Variants in GRM8 observed in about 807,000 individuals in gnomAD.
GRM8 encodes the protein metabotropic glutamate receptor 8.
GRM8 carries 47 observed loss-of-function variants against 87.2 expected under a neutral mutation model. The ratio of observed to expected loss-of-function variants is 0.54; its 90% confidence interval spans 0.43 to 0.69. The LOEUF is 0.69. Among genes scored for constraint, GRM8 ranks in the 30% least tolerant of loss-of-function variants. The pLI, the probability that GRM8 is intolerant of heterozygous loss-of-function variation, is 0.00. For synonymous variants in GRM8, 396 were observed against 404.5 expected, an observed-to-expected ratio of 0.98 and a Z score of 0.25; for missense variants, 1,019 against 1,139.2, an observed-to-expected ratio of 0.89 and a Z score of 1.52.
chr7:126,623,718 G>C (rs994748733), intron 7 of GRM8, among the ~76,000 whole-genome samples: 1 of 152,144 alleles, frequency 6.6e-6, no homozygotes, highest in South Asian at 2.1e-4. Flanking sequence ...TGGCTCAGTG[G>C]ATGCCAGATC....
chr7:126,579,428 T>C (rs1795404010), intron 8 of GRM8, among the ~76,000 whole-genome samples: 1 of 152,192 alleles, frequency 6.6e-6, no homozygotes, highest in African/African-American at 2.4e-5. Flanking sequence ...AATCTCTATA[T>C]AATAGGAACT....
chr7:127,161,689 A>C (rs924863507), intron 2 of GRM8, among the ~76,000 whole-genome samples: 1 of 152,206 alleles, frequency 6.6e-6, no homozygotes. Flanking sequence ...CTACCAAAAA[A>C]ACTATTAAAT....
intron 8 of GRM8, among the ~76,000 whole-genome samples, chr7:126,550,271 C>T (rs1319271833): frequency 2.0e-5 from 3 of 151,988 alleles, no homozygotes; most frequent in Non-Finnish European, 2.9e-5. Context: ...CACGCCACCA[C>T]GCCTGGCTAA....
chr7:126,841,843 A>T (rs550548304), intron 6 of GRM8, among the ~76,000 whole-genome samples: 1 of 152,136 alleles, frequency 6.6e-6, no homozygotes, highest in African/African-American at 2.4e-5. Flanking sequence ...CGTGATAGCC[A>T]GGATGGTCTC....
intron 3 of GRM8, among the ~76,000 whole-genome samples, chr7:126,954,952 C>G (rs1808522304): frequency 6.6e-6 from 1 of 152,138 alleles, no homozygotes; most frequent in Non-Finnish European, 1.5e-5. Flanking sequence ...CTCTAAATTA[C>G]ACTGTAAGAT....
At chr7:126,728,616 T>C (rs879880393) in intron 7 of GRM8, among the ~76,000 whole-genome samples, 2 of 152,192 alleles carry the variant, frequency 1.3e-5, no homozygotes, top group East Asian at 1.9e-4. Flanking sequence ...AATAAAAACA[T>C]ACAGTAACTT....
At chr7:126,703,760 C>T (rs1411512614) in intron 7 of GRM8, among the ~76,000 whole-genome samples, 1 of 152,146 alleles carries the variant, frequency 6.6e-6, no homozygotes, top group African/African-American at 2.4e-5. Context: ...CAGAGTCTTG[C>T]TATGTTGCCC....
At chr7:127,163,735 T>C (rs989396794) in intron 2 of GRM8, among the ~76,000 whole-genome samples, 1 of 152,208 alleles carries the variant, frequency 6.6e-6, no homozygotes, top group African/African-American at 2.4e-5. Context: ...AGATCATGAT[T>C]TGGTAATCAT....
chr7:126,475,118 G>C (rs966447938), intron 9 of GRM8, among the ~76,000 whole-genome samples: 2 of 151,988 alleles, frequency 1.3e-5, no homozygotes, highest in Admixed American at 6.6e-5. Context: ...ATAGTATTGG[G>C]AGTTGTAACC....
intron 2 of GRM8, among the ~76,000 whole-genome samples, chr7:127,155,119 C>G (rs1792640624): frequency 6.6e-6 from 1 of 152,080 alleles, no homozygotes; most frequent in Non-Finnish European, 1.5e-5. Context: ...CCAAGGAGGA[C>G]TTAGCTATAA....
At chr7:126,505,921 T>C (rs527457541) in intron 9 of GRM8, among the ~76,000 whole-genome samples, 54 of 152,044 alleles carry the variant, frequency 3.6e-4, no homozygotes, top group Non-Finnish European at 6.8e-4. Context: ...ATATTCACCA[T>C]GCTGTACATT....
chr7:126,744,889 T>G (rs1436293192), intron 7 of GRM8, among the ~76,000 whole-genome samples: 3 of 151,932 alleles, frequency 2.0e-5, no homozygotes, highest in Non-Finnish European at 2.9e-5. Flanking sequence ...TCAAACAATA[T>G]CACTCTTCTC....
intron 7 of GRM8, among the ~76,000 whole-genome samples, chr7:126,755,811 A>G (rs1035204217): frequency 1.3e-5 from 2 of 151,940 alleles, no homozygotes; most frequent in Non-Finnish European, 2.9e-5. Context: ...GATGGTGTCA[A>G]TTGAAACTGA....
chr7:127,153,304 C>T (rs1309945627), intron 2 of GRM8, among the ~76,000 whole-genome samples: 2 of 151,954 alleles, frequency 1.3e-5, no homozygotes, highest in East Asian at 1.9e-4. Context: ...TCCTGGTGTC[C>T]CTGGCAGTCA....
intron 7 of GRM8, among the ~76,000 whole-genome samples, chr7:126,663,869 A>G (rs1805480038): frequency 6.6e-6 from 1 of 152,174 alleles, no homozygotes; most frequent in Admixed American, 6.5e-5. Context: ...TTCACTGACA[A>G]TATTATTCTA....
intron 3 of GRM8, among the ~76,000 whole-genome samples, chr7:127,053,242 T>C (rs1014781541): frequency 5.3e-5 from 8 of 152,206 alleles, no homozygotes; most frequent in African/African-American, 1.9e-4. Context: ...GGCTTCAGTT[T>C]CCTAATCTAT....
rs746608618 is a variant in GRM8, at chr7:126,477,575, G to GAGAAAGAAAGA, written c.2431-31204_2431-31203insTCTTTCTTTCT. 2.2e-3 allele frequency among the ~76,000 whole-genome samples: 199 copies of GAGAAAGAAAGA among 89,534 alleles called. 1 individual carries two copies. Among genetic ancestry groups the GAGAAAGAAAGA allele is most frequent in the Non-Finnish European group, 3.5e-3 (142 of 40,522 alleles). 58.7% of individuals were successfully genotyped at this position (89,534 alleles called of 152,430 possible). ...AGGAGAAGTAAGAGAAAGAAAGAAA[G>GAGAAAGAAAGA]AAAGAGAGAAAGAAAGAAAGAAAGA... On this transcript the variant is annotated intron_variant, in intron 9 of 10. Transcript: ENST00000339582.
chr7:126,745,305 C>A (rs1033322342), intron 7 of GRM8, among the ~76,000 whole-genome samples: 2 of 151,334 alleles, frequency 1.3e-5, no homozygotes, highest in Non-Finnish European at 3.0e-5. Flanking sequence ...CCTTGCTATA[C>A]GCCAGATATA....
At position 126,908,511 on chromosome 7, in the gene GRM8, T is replaced by C. The variant is rs141869183; in HGVS notation, c.728-3828A>G. Among the ~76,000 whole-genome samples, 232 of 152,340 alleles carry C rather than the reference T, an allele frequency of 1.5e-3. No homozygotes were observed. In the Middle Eastern group the frequency reaches 0.017, roughly 11 times the overall value. On this transcript the variant is annotated intron_variant, in intron 3 of 10. Coordinates refer to ENST00000339582, the MANE Select transcript of GRM8 (RefSeq NM_000845.3). ...TTGCCATGATTACTTAAGCATCCCA[T>C]TAAAGACATGTTATATGCTGAGTAT...
Sources: gnomAD v4.1 joint callset for allele counts (sites outside exome capture counted in the v4.1 genomes callset) on GRCh38, gnomAD v4.1.1 for gene constraint, MANE v1.5 for transcripts, NCBI Gene and HGNC (gene_info 2026-07-23, HGNC 2026-07-21) for gene names.